KAZN: variants seen among roughly 807,000 people sequenced by gnomAD.
The protein encoded by KAZN is kazrin, periplakin interacting protein, also known as kazrin.
Under a neutral mutation model 87.4 loss-of-function variants are expected in KAZN, and 40 were observed. The observed-to-expected ratio is 0.46, with a 90% CI of 0.36 to 0.60. The LOEUF (loss-of-function observed/expected upper bound fraction) is 0.60. Ranked by LOEUF, KAZN falls within the 20% of genes least tolerant of loss-of-function variation. The pLI is 0.00. For synonymous variants in KAZN, 466 were observed against 458.3 expected (o/e 1.02, Z -0.22); for missense variants, 898 against 1,073.9 (o/e 0.84, Z 2.29).
At chr1:14,091,887 T>A (rs910588068) in intron 1 of KAZN, among the ~76,000 whole-genome samples, 3 of 152,136 alleles carry the variant, frequency 2.0e-5, no homozygotes, top group Admixed American at 2.0e-4. Context: ...ATTTAGACTT[T>A]GGCTTACCCC....
At chr1:14,514,519 T>TTTATATAA (rs1169714145) in intron 2 of KAZN, among the ~76,000 whole-genome samples, 31 of 11,016 alleles carry the variant, frequency 2.8e-3, no homozygotes, top group African/African-American at 8.6e-3. Context: ...ATATATGAAA[T>TTTATATAA]ATATATTTTA....
intron 1 of KAZN, among the ~76,000 whole-genome samples, chr1:14,776,985 TTGTTTTGTTTTGTTTTG>T (rs1228982021): frequency 2.6e-4 from 40 of 151,566 alleles, no homozygotes; most frequent in African/African-American, 8.9e-4. Context: ...TATTTCTTCT[TTGTTTTGTTTTGTTTTG>T]TGTTTTGTTT....
chr1:13,912,717 C>CCTCA (rs1335902461), intron 1 of KAZN, among the ~76,000 whole-genome samples: 3 of 152,186 alleles, frequency 2.0e-5, no homozygotes, highest in Non-Finnish European at 2.9e-5. Flanking sequence ...GATTCTCCCA[C>CCTCA]CTCAGCCTCC....
intron 2 of KAZN, among the ~76,000 whole-genome samples, chr1:14,483,598 G>C (rs189125858): frequency 1.3e-5 from 2 of 152,190 alleles, no homozygotes; most frequent in South Asian, 4.1e-4. Context: ...GAGGTTTTGC[G>C]AAAGTGTGTC....
At chr1:14,148,955 TA>T (rs1340250861) in intron 1 of KAZN, among the ~76,000 whole-genome samples, 10 of 152,130 alleles carry the variant, frequency 6.6e-5, no homozygotes, top group African/African-American at 1.2e-4. Context: ...TCTTGTCGGG[TA>T]AAGACTAGCT....
intron 2 of KAZN, among the ~76,000 whole-genome samples, chr1:14,435,748 G>C (rs1261667707): frequency 6.6e-6 from 1 of 152,088 alleles, no homozygotes; most frequent in Non-Finnish European, 1.5e-5. Flanking sequence ...TGATGACAGG[G>C]CCTAACGATA....
rs199927071 is a variant in KAZN at position 14,774,214 on chromosome 1, G to GAAC, written c.226+174992_226+174994dup. On this transcript the variant is annotated intron_variant, in intron 1 of 14. Coordinates refer to ENST00000376030, the MANE Select transcript of KAZN (RefSeq NM_201628.3). Reference sequence around the variant, plus strand: ...TGGTCTTAGAGTCTGATAGAAAGTAGAACTCCAGCTCTGTGGTCCCGGATT... The same window carrying GAAC: ...TGGTCTTAGAGTCTGATAGAAAGTAGAACAACTCCAGCTCTGTGGTCCCGGATT... 5.6e-4 allele frequency among the ~76,000 whole-genome samples: 86 copies of GAAC among 152,286 alleles called. 1 individual carries two copies. In the East Asian group the frequency reaches 0.014, roughly 25 times the overall value.
chr1:14,067,348 A>G (rs542732106), intron 1 of KAZN, among the ~76,000 whole-genome samples: 16 of 152,262 alleles, frequency 1.1e-4, no homozygotes, highest in Non-Finnish European at 4.4e-5. Flanking sequence ...CTCCTTTGGG[A>G]AGAGAGATGA....
chr1:14,350,914 A>C (rs1658497486), intron 2 of KAZN: 1 of 152,278 alleles, frequency 6.6e-6, no homozygotes, highest in Non-Finnish European at 1.5e-5. Context: ...ATGTCCCCTG[A>C]GTGGCAGGCG....
At chr1:13,964,579 G>T (rs553265248) in intron 1 of KAZN, among the ~76,000 whole-genome samples, 1 of 152,282 alleles carries the variant, frequency 6.6e-6, no homozygotes, top group East Asian at 1.9e-4. Flanking sequence ...TTCTTTAAAC[G>T]TAGTCTCTCA....
At chr1:14,679,254 G>A (rs1488893502) in intron 1 of KAZN, among the ~76,000 whole-genome samples, 1 of 152,150 alleles carries the variant, frequency 6.6e-6, no homozygotes, top group Non-Finnish European at 1.5e-5. Context: ...GGAGGCAAGG[G>A]GAAAGCCTGG....
intron 2 of KAZN, among the ~76,000 whole-genome samples, chr1:14,542,336 C>T (rs1255471459): frequency 6.6e-6 from 1 of 151,132 alleles, no homozygotes; most frequent in South Asian, 2.1e-4. Flanking sequence ...GGAGATATAC[C>T]TAATGCTAAA....
At chr1:14,015,128 AT>A (rs780978168) in intron 1 of KAZN, among the ~76,000 whole-genome samples, 1 of 152,206 alleles carries the variant, frequency 6.6e-6, no homozygotes, top group African/African-American at 2.4e-5. Context: ...TTTAACACAG[AT>A]GATATAAAAA....
intron 1 of KAZN, among the ~76,000 whole-genome samples, chr1:14,947,608 A>G (rs574807513): frequency 6.6e-6 from 1 of 152,358 alleles, no homozygotes; most frequent in East Asian, 1.9e-4. Flanking sequence ...GGTTAGGAAC[A>G]TGAGCTTTGG....
chr1:14,769,880 C>T lies in KAZN; in HGVS notation c.226+170657C>T, dbSNP rs773442429. ...TAACTGAGTATTCTGGGTTTGGGACCGGGCTATAGGATCCTAAGTGTAGGA... is the reference window on the plus strand; with the variant it reads ...TAACTGAGTATTCTGGGTTTGGGACTGGGCTATAGGATCCTAAGTGTAGGA... On this transcript the variant is annotated intron_variant, in intron 1 of 14. Coordinates refer to ENST00000376030, the MANE Select transcript of KAZN (RefSeq NM_201628.3). This position sits in a 1 kb window ranked among gnomAD's most constrained non-coding sequence, Gnocchi z 4.1. Among the ~76,000 whole-genome samples, 5 of 152,132 alleles carry T rather than the reference C, an allele frequency of 3.3e-5. No individual in the cohort carries two copies. The highest frequency in any genetic ancestry group is 1.9e-4 in the East Asian group (1 of 5,188).
At chr1:14,945,707 C>T (rs540517959) in intron 1 of KAZN, among the ~76,000 whole-genome samples, 6 of 152,368 alleles carry the variant, frequency 3.9e-5, no homozygotes, top group Admixed American at 3.9e-4. Flanking sequence ...TTTATTTCTT[C>T]CTGGAGCAGC....
intron 1 of KAZN, among the ~76,000 whole-genome samples, chr1:13,996,140 G>C (rs966859511): frequency 2.6e-5 from 4 of 152,122 alleles, no homozygotes; most frequent in Admixed American, 6.5e-5. Context: ...CCAGCCAAGG[G>C]AGGCAGTGAG....
Position 14,755,087 on chromosome 1 carries a change from C to CAAAAAAA in KAZN, c.226+155875_226+155881dup, listed in dbSNP as rs3032756. Among the ~76,000 whole-genome samples, 27 of 115,544 alleles carry CAAAAAAA rather than the reference C, an allele frequency of 2.3e-4. 1 individual carries two copies. Among genetic ancestry groups the CAAAAAAA allele is most frequent in the African/African-American group, 7.6e-4 (22 of 29,008 alleles). The allele number at this position is 115,544 out of a possible 152,430, so 75.8% of individuals were successfully genotyped here. ...AGAAACCCCATCTCTACTAAAAATGCAAAAAAAAAAAAAAAAATAGCCAGG... is the reference window on the plus strand; with the variant it reads ...AGAAACCCCATCTCTACTAAAAATGCAAAAAAAAAAAAAAAAAAAAAAAATAGCCAGG... On this transcript the variant is annotated intron_variant, in intron 1 of 14. Transcript: ENST00000376030.
intron 2 of KAZN, among the ~76,000 whole-genome samples, chr1:14,489,861 A>C (rs1669557450): frequency 6.6e-6 from 1 of 152,074 alleles, no homozygotes; most frequent in South Asian, 2.1e-4. Context: ...TAGAATTTCA[A>C]TGTTCATTTC....
Sources: gnomAD v4.1 joint callset for allele counts (sites outside exome capture counted in the v4.1 genomes callset) on GRCh38, gnomAD v4.1.1 for gene constraint, Gnocchi (gnomAD v3.1) non-coding constraint, MANE v1.5 for transcripts, NCBI Gene and HGNC (gene_info 2026-07-23, HGNC 2026-07-21) for gene names.